Variants in ULK4 observed in about 807,000 individuals in gnomAD.
The protein encoded by ULK4 is unc-51 like kinase 4, also known as inactive serine/threonine-protein kinase ULK4.
Under a neutral mutation model 160.6 loss-of-function variants are expected in ULK4, and 133 were observed. The observed-to-expected ratio is 0.83, with a 90% CI of 0.72 to 0.96. The LOEUF (loss-of-function observed/expected upper bound fraction) is 0.96, where lower values mean the gene tolerates loss of function less well. ULK4 is among the 40% of genes least tolerant of loss of function. ULK4 has a pLI of 0.00. For synonymous variants in ULK4, 534 were observed against 539.8 expected (o/e 0.99, Z 0.15); for missense variants, 1,580 against 1,499.5 (o/e 1.05, Z -0.89).
chr3:41,415,356 C>A (rs2082500539), intron 34 of ULK4, among the ~76,000 whole-genome samples: 2 of 152,076 alleles, frequency 1.3e-5, no homozygotes, highest in South Asian at 4.1e-4. Context: ...TTTGAGACAG[C>A]CACCCAAGAA....
At chr3:41,824,519 T>C (rs540202997) in intron 18 of ULK4, among the ~76,000 whole-genome samples, 18 of 152,136 alleles carry the variant, frequency 1.2e-4, no homozygotes, top group Non-Finnish European at 2.4e-4. Context: ...GGAGATTATA[T>C]CCCACGCCTG....
chr3:41,903,242 T>C (rs553190148), intron 12 of ULK4, among the ~76,000 whole-genome samples: 5 of 152,158 alleles, frequency 3.3e-5, no homozygotes, highest in Non-Finnish European at 7.4e-5. Flanking sequence ...ATAATATAAC[T>C]GAACATCCAA....
At chr3:41,510,889 C>G (rs1235178958) in intron 32 of ULK4, among the ~76,000 whole-genome samples, 1 of 152,102 alleles carries the variant, frequency 6.6e-6, no homozygotes, top group Admixed American at 6.5e-5. Context: ...GGGACGGGCG[C>G]AGTGGCTCAT....
In ULK4 at chr3:41,479,852, C is replaced by T. The variant is rs2125895235; in HGVS notation, c.3227-16599G>A. 1.3e-5 allele frequency among the ~76,000 whole-genome samples: 2 copies of T among 152,192 alleles called. 1 individual carries two copies. Among genetic ancestry groups the T allele is most frequent in the South Asian group, 4.1e-4 (2 of 4,822 alleles). On this transcript the variant is annotated intron_variant, in intron 32 of 36. Coordinates refer to ENST00000301831, the MANE Select transcript of ULK4 (RefSeq NM_017886.4). ...TCATTATAGACAAATTCCTATTTTTCATTTTTCCTTATCATACTCTGTAAA... is the reference window on the plus strand; with the variant it reads ...TCATTATAGACAAATTCCTATTTTTTATTTTTCCTTATCATACTCTGTAAA...
intron 31 of ULK4, among the ~76,000 whole-genome samples, chr3:41,612,531 T>G (rs1351794358): frequency 6.6e-6 from 1 of 152,240 alleles, no homozygotes; most frequent in Non-Finnish European, 1.5e-5. Flanking sequence ...GCACTGTGCC[T>G]CCTCAGTAGG....
At chr3:41,700,124 A>T (rs1182467051) in intron 27 of ULK4, among the ~76,000 whole-genome samples, 1 of 152,168 alleles carries the variant, frequency 6.6e-6, no homozygotes, top group Non-Finnish European at 1.5e-5. Flanking sequence ...ACTTGGATTA[A>T]CATTCTTACT....
intron 32 of ULK4, among the ~76,000 whole-genome samples, chr3:41,562,500 C>G (rs2087623411): frequency 6.6e-6 from 1 of 152,074 alleles, no homozygotes; most frequent in African/African-American, 2.4e-5. Context: ...GAGTCTAAGT[C>G]TGTTTGTAGA....
intron 31 of ULK4, among the ~76,000 whole-genome samples, chr3:41,600,374 G>T (rs2031979005): frequency 6.6e-6 from 1 of 152,220 alleles, no homozygotes; most frequent in Admixed American, 6.5e-5. Flanking sequence ...TGCAAACTGT[G>T]ACAACTGCTC....
chr3:41,913,949 T>C (rs1698884402), intron 8 of ULK4, among the ~76,000 whole-genome samples: 1 of 151,920 alleles, frequency 6.6e-6, no homozygotes, highest in African/African-American at 2.4e-5. Context: ...GGTGACAGAG[T>C]GAGACCCCGT....
intron 34 of ULK4, among the ~76,000 whole-genome samples, chr3:41,438,108 T>TAAA (rs11457444): frequency 0.033 from 4,073 of 122,848 alleles, 232 homozygotes; most frequent in African/African-American, 0.11. Flanking sequence ...TGTTTATTGT[T>TAAA]AAAAAAAAAA....
chr3:41,596,331 CAGG>C lies in ULK4; in HGVS notation c.3120+19335_3120+19337del, dbSNP rs1575465140. Reference sequence around the variant, plus strand: ...GTTGGTATAATTGTGTATTTTTCTCCAGGAGATTTTAATTTTTCAGGTGCTGGT... The same window carrying C: ...GTTGGTATAATTGTGTATTTTTCTCCAGATTTTAATTTTTCAGGTGCTGGT... On this transcript the variant is annotated intron_variant, in intron 31 of 36. Transcript: ENST00000301831. Among the ~76,000 whole-genome samples, 3 of 152,176 alleles carry C rather than the reference CAGG, an allele frequency of 2.0e-5. 1 individual carries two copies. Among genetic ancestry groups the C allele is most frequent in the South Asian group, 4.2e-4 (2 of 4,810 alleles).
intron 2 of ULK4, among the ~76,000 whole-genome samples, chr3:41,949,910 A>T (rs1404499146): frequency 6.8e-6 from 1 of 147,330 alleles, no homozygotes; most frequent in African/African-American, 2.5e-5. Flanking sequence ...TAATTTTTCT[A>T]TTTTTTCTAG....
At chr3:41,929,065 C>T (rs891888084) in intron 5 of ULK4, among the ~76,000 whole-genome samples, 1 of 151,858 alleles carries the variant, frequency 6.6e-6, no homozygotes, top group African/African-American at 2.4e-5. Flanking sequence ...CCAATATCCC[C>T]GATAAACATC....
intron 17 of ULK4, among the ~76,000 whole-genome samples, chr3:41,847,612 C>G (rs1454776389): frequency 1.3e-5 from 2 of 152,192 alleles, no homozygotes; most frequent in Non-Finnish European, 2.9e-5. Context: ...AGAGGGAATT[C>G]TATTTGATAC....
chr3:41,639,685 G>A (rs373770052), intron 30 of ULK4, among the ~76,000 whole-genome samples: 7 of 152,110 alleles, frequency 4.6e-5, no homozygotes, highest in South Asian at 2.1e-4. Flanking sequence ...CCAAGATTGC[G>A]CCACTGCACT....
chr3:41,817,101 T>C lies in ULK4; in HGVS notation c.1848+2322A>G, dbSNP rs144817629. 2.4e-3 allele frequency among the ~76,000 whole-genome samples: 368 copies of C among 151,834 alleles called. 1 individual carries two copies. Among genetic ancestry groups the C allele is most frequent in the African/African-American group, 8.0e-3 (328 of 41,206 alleles). The stretch of plus-strand genomic sequence containing the variant: ...GTGTGTGTGTGTGTGTACTCACGCA[T>C]GTGCAATGAGGCATATTTCAACAAC... On this transcript the variant is annotated intron_variant, in intron 19 of 36. Transcript: ENST00000301831.
At chr3:41,891,916 A>C (rs548912306) in intron 16 of ULK4, among the ~76,000 whole-genome samples, 2 of 152,356 alleles carry the variant, frequency 1.3e-5, no homozygotes, top group East Asian at 1.9e-4. Context: ...AACAAACAAA[A>C]AAAAACCTAC....
intron 31 of ULK4, among the ~76,000 whole-genome samples, chr3:41,590,832 T>C (rs1001848933): frequency 1.1e-4 from 16 of 150,786 alleles, no homozygotes; most frequent in Non-Finnish European, 2.2e-4. Context: ...CAGTGTCTTA[T>C]GGGATCATAT....
chr3:41,566,547 T>C (rs1402113933), intron 31 of ULK4, among the ~76,000 whole-genome samples: 1 of 152,234 alleles, frequency 6.6e-6, no homozygotes, highest in Non-Finnish European at 1.5e-5. Flanking sequence ...TTTCCCACTT[T>C]AGTACATTTG....
Sources: gnomAD v4.1 joint callset for allele counts (sites outside exome capture counted in the v4.1 genomes callset) on GRCh38, gnomAD v4.1.1 for gene constraint, MANE v1.5 for transcripts, NCBI Gene and HGNC (gene_info 2026-07-23, HGNC 2026-07-21) for gene names.